The following MYOT variants were observed in gnomAD, a reference collection of about 807,000 sequenced individuals.
The protein encoded by MYOT is 57 kDa cytoskeletal protein.
In MYOT, 36 loss-of-function variants were observed where a neutral mutation model predicts 58.0. The observed-to-expected ratio is 0.62, with a 90% CI of 0.48 to 0.82. MYOT has a LOEUF of 0.82. Among genes scored for constraint, MYOT ranks in the 40% least tolerant of loss-of-function variants. MYOT has a pLI of 0.00. For missense variants in MYOT, 505 were observed against 592.1 expected (o/e 0.85, Z 1.53); for synonymous variants, 218 against 204.6 (o/e 1.07, Z -0.56).
At chr5:137,884,484 T>C (rs1358517836) in intron 7 of MYOT, among the ~76,000 whole-genome samples, 1 of 152,214 alleles carries the variant, frequency 6.6e-6, no homozygotes, top group Admixed American at 6.5e-5. Context: ...TATGGCTACA[T>C]TTATGTCTCA....
chr5:137,880,038 T>C (rs1388693080), intron 4 of MYOT, among the ~76,000 whole-genome samples: 1 of 152,210 alleles, frequency 6.6e-6, no homozygotes, highest in Non-Finnish European at 1.5e-5. Context: ...TTATTTGTAC[T>C]CAGATCTTGT....
intron 4 of MYOT, chr5:137,880,495 C>T: frequency 3.4e-6 from 1 of 294,498 alleles, no homozygotes; most frequent in South Asian, 3.9e-5. Context: ...TCTGTGCTCC[C>T]ATTTCAAATG....
In MYOT at chr5:137,870,951, A is replaced by G. The variant is rs766443982; in HGVS notation, c.300A>G (p.Ile100Met). ...NQSPASFLSS[I>M]LPSQPDYNSS... ...CCCCAGCCAGCTTCCTCAGCTCCATATTACCATCACAGCCTGATTACAATA... is the reference window on the plus strand; with the variant it reads ...CCCCAGCCAGCTTCCTCAGCTCCATGTTACCATCACAGCCTGATTACAATA... Residue 100 changes from isoleucine to methionine, a missense_variant, in exon 2 of 10, where the codon ATA becomes ATG. Transcript: ENST00000239926. 1.1e-5 allele frequency: 17 copies of G among 1,614,038 alleles called. No individual in the cohort carries two copies. Among genetic ancestry groups the G allele is most frequent in the African/African-American group, 2.7e-5 (2 of 74,924 alleles).
chr5:137,872,677 A>T (rs1445735570), intron 2 of MYOT, among the ~76,000 whole-genome samples: 2 of 152,208 alleles, frequency 1.3e-5, no homozygotes, highest in African/African-American at 4.8e-5. Flanking sequence ...TATGGGCTCC[A>T]GTTCGCCCTG....
Position 137,887,196 on chromosome 5 carries a change from T to C in MYOT, c.1325-17T>C, listed in dbSNP as rs1755628905. Reference sequence around the variant, plus strand: ...AGAACAGGTTTTCTGAATCAACTTTTATGTGATCTATTTCAGCACGTCCAA... The same window carrying C: ...AGAACAGGTTTTCTGAATCAACTTTCATGTGATCTATTTCAGCACGTCCAA... On this transcript the variant is annotated splice_polypyrimidine_tract_variant and intron_variant, in intron 9 of 9. Transcript: ENST00000239926. 6.2e-7 allele frequency: 1 copy of C among 1,613,932 alleles called. No homozygotes were observed. The highest frequency in any genetic ancestry group is 8.5e-7 in the Non-Finnish European group (1 of 1,179,960).
At chr5:137,873,370 A>C (rs1411306587) in intron 2 of MYOT, among the ~76,000 whole-genome samples, 1 of 151,950 alleles carries the variant, frequency 6.6e-6, no homozygotes, top group East Asian at 1.9e-4. Context: ...CTACTAAAAA[A>C]AAAATACAAA....
At chr5:137,886,013 A>T (rs1346684028) in intron 7 of MYOT, 35 bp from the exon 8 acceptor site, 1 of 1,386,344 alleles carries the variant, frequency 7.2e-7, no homozygotes, top group Admixed American at 1.8e-5. Flanking sequence ...TTTTTATAAT[A>T]TTTCAAATAC....
intron 1 of MYOT, among the ~76,000 whole-genome samples, chr5:137,869,368 A>G (rs1413410495): frequency 6.6e-6 from 1 of 152,372 alleles, no homozygotes; most frequent in Non-Finnish European, 1.5e-5. Flanking sequence ...GTCTATATAT[A>G]GTCCCGCTTA....
chr5:137,883,152 T>C, intron 6 of MYOT: 1 of 507,608 alleles, frequency 2.0e-6, no homozygotes, highest in Non-Finnish European at 3.5e-6. Context: ...GAGACTGAGG[T>C]TGCATGTAAA....
At chr5:137,885,200 A>C (rs1755556899) in intron 7 of MYOT, among the ~76,000 whole-genome samples, 1 of 152,198 alleles carries the variant, frequency 6.6e-6, no homozygotes, top group Non-Finnish European at 1.5e-5. Context: ...GGTCATAATA[A>C]TTACTGATAT....
At chr5:137,885,867 G>C (rs897433321) in intron 7 of MYOT, among the ~76,000 whole-genome samples, 181 bp from the exon 8 acceptor site, 1 of 146,638 alleles carries the variant, frequency 6.8e-6, no homozygotes, top group African/African-American at 2.5e-5. Context: ...CATTACATTA[G>C]AGTTTAGAAT....
rs957169726 is a variant in MYOT at position 137,880,824 on chromosome 5, C to A, written c.642C>A (p.Asn214Lys). The A allele has an allele frequency of 5.7e-5, 92 of 1,612,554 alleles. No homozygotes were observed. The highest frequency in any genetic ancestry group is 7.6e-5 in the Non-Finnish European group (90 of 1,178,818). ...DSGAQDSQQH[N>K]SEHARLQVPT... ...TTTGTTTTAATTTCAAGCAACACAA[C>A]TCAGAACATGCGCGACTGCAAGTTC... is the stretch of plus-strand genomic sequence containing the variant. Residue 214 changes from asparagine (N) to lysine (K), a missense_variant, in exon 5 of 10, where the codon AAC (asparagine) becomes AAA (lysine). Asn to Lys is a moderately conservative substitution (Grantham distance 94, BLOSUM62 0). Transcript: ENST00000239926.
intron 2 of MYOT, among the ~76,000 whole-genome samples, chr5:137,874,194 C>T (rs530269020): frequency 8.6e-5 from 13 of 152,032 alleles, no homozygotes; most frequent in Non-Finnish European, 1.8e-4. Context: ...AGGCCGGGTG[C>T]GGTGGCTCAA....
At chr5:137,878,533 T>C (rs181725477) in intron 4 of MYOT, among the ~76,000 whole-genome samples, 3 of 152,186 alleles carry the variant, frequency 2.0e-5, no homozygotes, top group African/African-American at 7.2e-5. Flanking sequence ...AAGAAAAATG[T>C]ACAGTTGGTG....
intron 7 of MYOT, among the ~76,000 whole-genome samples, chr5:137,884,123 A>C (rs1174497022): frequency 6.6e-6 from 1 of 152,170 alleles, no homozygotes; most frequent in Non-Finnish European, 1.5e-5. Context: ...CCAAGGTGGA[A>C]GGATCACTTG....
intron 1 of MYOT, among the ~76,000 whole-genome samples, chr5:137,868,919 G>A (rs149273012): frequency 6.6e-6 from 1 of 152,176 alleles, no homozygotes; most frequent in African/African-American, 2.4e-5. Context: ...ATGTATTTGT[G>A]TTCATAAACT....
At chr5:137,875,052 C>T (rs1279580939) in intron 2 of MYOT, among the ~76,000 whole-genome samples, 1 of 152,196 alleles carries the variant, frequency 6.6e-6, no homozygotes, top group East Asian at 1.9e-4. Context: ...AACATGAAAT[C>T]ATAGGAAGCT....
chr5:137,871,706 TATGTAAAC>T (rs1480782132), intron 2 of MYOT, among the ~76,000 whole-genome samples: 4 of 152,216 alleles, frequency 2.6e-5, no homozygotes, highest in African/African-American at 9.6e-5. Context: ...ACTGGGGCCT[TATGTAAAC>T]ATGTGCTATT....
At chr5:137,882,538 C>T (rs1046455481) in intron 6 of MYOT, among the ~76,000 whole-genome samples, 1 of 151,914 alleles carries the variant, frequency 6.6e-6, no homozygotes, top group Non-Finnish European at 1.5e-5. Flanking sequence ...AACCTGTCTC[C>T]CAGGCTCAAG....
Sources: allele counts gnomAD v4.1 joint callset (sites outside exome capture counted in the v4.1 genomes callset), GRCh38; gene constraint gnomAD v4.1.1; transcripts MANE v1.5; gene names NCBI Gene and HGNC (gene_info 2026-07-23, HGNC 2026-07-21).